The following SH3GL3 variants were observed in gnomAD, a reference collection of about 807,000 sequenced individuals.
SH3GL3 encodes SH3 domain containing GRB2 like 3, endophilin A3.
SH3GL3 carries 33 observed loss-of-function variants against 47.7 expected under a neutral mutation model. That is an observed-to-expected ratio of 0.69 (90% CI 0.52 to 0.92). The LOEUF (loss-of-function observed/expected upper bound fraction) is 0.92. Ranked by LOEUF, SH3GL3 falls within the 40% of genes least tolerant of loss-of-function variation. The pLI, the probability that SH3GL3 is intolerant of heterozygous loss-of-function variation, is 0.00. For missense variants in SH3GL3, 363 were observed against 417.8 expected, an observed-to-expected ratio of 0.87 and a Z score of 1.14; for synonymous variants, 155 against 148.8, an observed-to-expected ratio of 1.04 and a Z score of -0.30.
rs886168645 is a variant in SH3GL3, at chr15:83,618,533, T to C, written c.*246T>C. ...AAGTCATTGGTTAAATGTATTTGCT[T>C]CCTGTGGCTAAAAATAAGTCTCACC... On this transcript the variant is annotated 3_prime_UTR_variant, in exon 9 of 9. Transcript: ENST00000427482. The C allele has an allele frequency of 4.8e-5, 22 of 454,374 alleles. No homozygotes were observed. Among genetic ancestry groups the C allele is most frequent in the African/African-American group, 3.7e-4 (19 of 51,500 alleles). 28.1% of individuals were successfully genotyped at this position (454,374 alleles called of 1,614,324 possible). A position where few individuals can be genotyped will look rare whatever the true frequency, so the allele number is the denominator to read the frequency against.
At chr15:83,466,606 T>C (rs951077657) in intron 1 of SH3GL3, among the ~76,000 whole-genome samples, 1 of 152,152 alleles carries the variant, frequency 6.6e-6, no homozygotes, top group African/African-American at 2.4e-5. Context: ...GCTGAATCTG[T>C]TTAGGTTTTT....
intron 1 of SH3GL3, among the ~76,000 whole-genome samples, chr15:83,477,039 C>G (rs1425458419): frequency 1.3e-5 from 2 of 152,158 alleles, no homozygotes; most frequent in African/African-American, 4.8e-5. Flanking sequence ...GCTACAAGTA[C>G]CAAAAAGTCA....
At chr15:83,573,660 GTGGCCT>G in intron 5 of SH3GL3, among the ~76,000 whole-genome samples, 1 of 152,190 alleles carries the variant, frequency 6.6e-6, no homozygotes, top group Non-Finnish European at 1.5e-5. Flanking sequence ...GTGAGCTTGG[GTGGCCT>G]TCCCTGCTTG....
chr15:83,563,234 T>C (rs931943614), intron 2 of SH3GL3, among the ~76,000 whole-genome samples: 9 of 151,530 alleles, frequency 5.9e-5, no homozygotes, highest in Admixed American at 3.3e-4. Context: ...ATCTTCCTTA[T>C]TTTTTTTCCT....
intron 3 of SH3GL3, among the ~76,000 whole-genome samples, chr15:83,566,291 C>G (rs935496452): frequency 6.6e-5 from 10 of 152,074 alleles, no homozygotes; most frequent in African/African-American, 2.2e-4. Flanking sequence ...TTTAATGGCT[C>G]TCACCCACAT....
chr15:83,551,300 T>C (rs907899933), intron 1 of SH3GL3, among the ~76,000 whole-genome samples: 8 of 152,334 alleles, frequency 5.3e-5, no homozygotes, highest in African/African-American at 9.6e-5. Context: ...AATCTTCTTT[T>C]CCACTGGGGG....
chr15:83,606,545 T>G (rs1372885607), intron 8 of SH3GL3, among the ~76,000 whole-genome samples: 1 of 152,244 alleles, frequency 6.6e-6, no homozygotes, highest in Admixed American at 6.5e-5. Flanking sequence ...TACATTTCTC[T>G]TCTTTCCTTC....
At chr15:83,488,138 A>G (rs2041698338) in intron 1 of SH3GL3, 3 of 152,290 alleles carry the variant, frequency 2.0e-5, no homozygotes, top group African/African-American at 4.8e-5. Flanking sequence ...GGCCTCCCAG[A>G]GTGCTGGGAT....
At chr15:83,554,689 A>T (rs2044851808) in intron 1 of SH3GL3, among the ~76,000 whole-genome samples, 1 of 152,168 alleles carries the variant, frequency 6.6e-6, no homozygotes, top group Non-Finnish European at 1.5e-5. Context: ...TCCCGTGCCT[A>T]GCCGATTTCT....
At chr15:83,481,073 C>T (rs968217594) in intron 1 of SH3GL3, among the ~76,000 whole-genome samples, 9 of 152,034 alleles carry the variant, frequency 5.9e-5, no homozygotes, top group African/African-American at 2.2e-4. Flanking sequence ...GTTAGGAGTT[C>T]GAGACCAGGC....
chr15:83,448,442 A>ATGTGTG lies in SH3GL3; in HGVS notation c.45+898_45+903dup, dbSNP rs71156081. ...AAACAGGAGGGGAGACATGAAATTG[A>ATGTGTG]TGTGTGTGTGTGTGTGTGTGTGTGT... is the stretch of plus-strand genomic sequence containing the variant. On this transcript the variant is annotated intron_variant, in intron 1 of 8. Coordinates refer to ENST00000427482, the MANE Select transcript of SH3GL3 (RefSeq NM_003027.5). This position sits in a 1 kb window ranked among gnomAD's most constrained non-coding sequence, Gnocchi z 4.2. Among the ~76,000 whole-genome samples the ATGTGTG allele has an allele frequency of 0.089, 12,508 of 140,572 alleles. 697 individuals carry two copies. The highest frequency in any genetic ancestry group is 0.16 in the Admixed American group (2,253 of 14,040). The allele number at this position is 140,572 out of a possible 152,430, so 92.2% of individuals were successfully genotyped here.
At chr15:83,565,435 T>A (rs1254936398) in intron 3 of SH3GL3, 2 of 482,118 alleles carry the variant, frequency 4.1e-6, no homozygotes, top group Non-Finnish European at 3.7e-6. Flanking sequence ...CCGAATGGAG[T>A]GCTGGTCATA....
At chr15:83,506,011 A>G (rs1036929157) in intron 1 of SH3GL3, among the ~76,000 whole-genome samples, 1 of 152,146 alleles carries the variant, frequency 6.6e-6, no homozygotes, top group Non-Finnish European at 1.5e-5. Context: ...AAGCCTAATG[A>G]TGTCTTTTGA....
intron 1 of SH3GL3, among the ~76,000 whole-genome samples, chr15:83,551,866 A>G (rs183901546): frequency 6.6e-4 from 100 of 151,972 alleles, no homozygotes; most frequent in African/African-American, 2.4e-3. Context: ...TGTGTAGATA[A>G]TCATTACTGA....
chr15:83,549,053 A>G lies in SH3GL3; in HGVS notation c.46-10200A>G, dbSNP rs186200894. Among the ~76,000 whole-genome samples the G allele has an allele frequency of 4.0e-3, 609 of 152,166 alleles. 1 individual carries two copies. Among genetic ancestry groups the G allele is most frequent in the Non-Finnish European group, 5.5e-3 (375 of 68,000 alleles). On this transcript the variant is annotated intron_variant, in intron 1 of 8. Transcript: ENST00000427482. Reference sequence around the variant, plus strand: ...TCAGTTGTCGTCTAATTGTTATTAAACACTTCTGTTGGGTTCTTAATTTTA... The same window carrying G: ...TCAGTTGTCGTCTAATTGTTATTAAGCACTTCTGTTGGGTTCTTAATTTTA...
Position 83,559,294 on chromosome 15 carries a change from AGAC to A in SH3GL3, c.90_92del (p.Asp31del). On this transcript the variant is annotated inframe_deletion, in exon 2 of 9. Coordinates refer to ENST00000427482, the MANE Select transcript of SH3GL3 (RefSeq NM_003027.5). ...TAAGTGGTGCTGAAGGAACTAAACTAGACGATGAATTTCTTGACATGGAAAGGG... is the reference window on the plus strand; with the variant it reads ...TAAGTGGTGCTGAAGGAACTAAACTAGATGAATTTCTTGACATGGAAAGGG... 1.3e-6 allele frequency: 2 copies of A among 1,593,536 alleles called. No individual in the cohort carries two copies. The highest frequency in any genetic ancestry group is 1.7e-6 in the Non-Finnish European group (2 of 1,161,256).
Position 83,612,197 on chromosome 15 carries a change from T to C in SH3GL3, c.839-5885T>C, listed in dbSNP as rs139098366. ...GAGTAGAAATTCCCTATCAGGGCTG[T>C]TGGTTTTTCTTGAAGGTTCTCTCCT... On this transcript the variant is annotated intron_variant, in intron 8 of 8. Coordinates refer to ENST00000427482, the MANE Select transcript of SH3GL3 (RefSeq NM_003027.5). Among the ~76,000 whole-genome samples, 485 of 152,302 alleles carry C rather than the reference T, an allele frequency of 3.2e-3. 1 individual carries two copies. The highest frequency in any genetic ancestry group is 0.011 in the African/African-American group (459 of 41,562).
intron 6 of SH3GL3, among the ~76,000 whole-genome samples, chr15:83,577,879 A>C (rs1188761892): frequency 6.6e-6 from 1 of 152,246 alleles, no homozygotes; most frequent in African/African-American, 2.4e-5. Context: ...AGTACTTGGC[A>C]AGGCAGATGG....
At chr15:83,467,905 G>T (rs1373499160) in intron 1 of SH3GL3, among the ~76,000 whole-genome samples, 1 of 152,144 alleles carries the variant, frequency 6.6e-6, no homozygotes, top group Non-Finnish European at 1.5e-5. Context: ...TTGGCTCACT[G>T]CAAGCTCTGC....
Sources: gnomAD v4.1 joint callset for allele counts (sites outside exome capture counted in the v4.1 genomes callset) on GRCh38, gnomAD v4.1.1 for gene constraint, Gnocchi (gnomAD v3.1) non-coding constraint, MANE v1.5 for transcripts, NCBI Gene and HGNC (gene_info 2026-07-23, HGNC 2026-07-21) for gene names.